The following SPAST variants were observed in gnomAD, a reference collection of about 807,000 sequenced individuals.
The protein encoded by SPAST is spastin.
A neutral mutation model predicts 76.6 loss-of-function variants in SPAST; 30 were observed. The ratio of observed to expected loss-of-function variants is 0.39; its 90% CI spans 0.29 to 0.53. The LOEUF (loss-of-function observed/expected upper bound fraction) is 0.53, where lower values mean the gene tolerates loss of function less well. Among genes scored for constraint, SPAST ranks in the 20% least tolerant of loss-of-function variants. SPAST has a pLI of 0.68. For synonymous variants in SPAST, 305 were observed against 281.0 expected (o/e 1.09, Z -0.86); for missense variants, 717 against 770.5 (o/e 0.93, Z 0.82).
At chr2:32,118,248 C>T (rs898763905) in intron 7 of SPAST, among the ~76,000 whole-genome samples, 4 of 152,170 alleles carry the variant, frequency 2.6e-5, no homozygotes, top group Non-Finnish European at 5.9e-5. Flanking sequence ...GAGTCATTCA[C>T]ATACTGCCTT....
At chr2:32,073,482 C>CT (rs1269384091) in intron 1 of SPAST, among the ~76,000 whole-genome samples, 2 of 152,000 alleles carry the variant, frequency 1.3e-5, no homozygotes, top group Non-Finnish European at 2.9e-5. Context: ...TTTCTTCACT[C>CT]TTTTTTTTAA....
At chr2:32,095,232 CCT>C (rs1677874006) in intron 3 of SPAST, among the ~76,000 whole-genome samples, 2 of 152,234 alleles carry the variant, frequency 1.3e-5, no homozygotes, top group Admixed American at 6.5e-5. Context: ...ATAAAATGGT[CCT>C]CTCTTTATGG....
In SPAST at chr2:32,063,931, C is replaced by A. The variant is rs749021726; in HGVS notation, c.100C>A (p.Pro34Thr). 4.4e-6 allele frequency: 7 copies of A among 1,601,020 alleles called. No individual in the cohort carries two copies. Among genetic ancestry groups the A allele is most frequent in the Non-Finnish European group, 6.0e-6 (7 of 1,174,060 alleles). ...PPPPCLAPAP[P>T]AAGPAPPPES... ...GCCCCCTTGCCTGGCCCCCGCCCCT[C>A]CCGCCGCCGGGCCGGCCCCTCCGCC... Residue 34 changes from proline (P) to threonine (T), a missense_variant, in exon 1 of 17, where the codon CCC becomes ACC. Around this residue, in one of 3 missense-constraint regions of SPAST, gnomAD observed 543 missense variants for 445.2 expected, o/e 1.22. Transcript: ENST00000315285.
chr2:32,102,038 G>A (rs918415591), intron 4 of SPAST, among the ~76,000 whole-genome samples: 3 of 152,130 alleles, frequency 2.0e-5, no homozygotes, highest in Non-Finnish European at 4.4e-5. Flanking sequence ...TGATGGGGAT[G>A]GCATTGAATC....
chr2:32,064,133 C>G lies in SPAST; in HGVS notation c.302C>G (p.Ser101Trp). The G allele has an allele frequency of 6.3e-7, 1 of 1,575,208 alleles. No individual in the cohort carries two copies. The highest frequency in any genetic ancestry group is 8.6e-7 in the Non-Finnish European group (1 of 1,161,340). The change falls in exon 1 of 17, where the codon TCG (serine) becomes TGG (tryptophan). Residue 101 changes from serine to tryptophan, a missense_variant. By Grantham distance (177) the Ser-to-Trp change is radical. Around this residue, in one of 3 missense-constraint regions of SPAST, gnomAD observed 543 missense variants for 445.2 expected, o/e 1.22. Transcript: ENST00000315285. Reference protein sequence around the residue: ...RSSGAAPAPASASAPAPVPGG... With the variant: ...RSSGAAPAPAWASAPAPVPGG... ...TCCGGGGCCGCGCCAGCACCTGCCT[C>G]GGCCTCGGCCCCGGCGCCGGTGCCG... is the stretch of plus-strand genomic sequence containing the variant.
At chr2:32,145,803 A>G (rs1679865857) in intron 15 of SPAST, among the ~76,000 whole-genome samples, 2 of 152,222 alleles carry the variant, frequency 1.3e-5, no homozygotes, top group Non-Finnish European at 2.9e-5. Context: ...CACAGCCAGC[A>G]TCGGTAGTGG....
intron 4 of SPAST, among the ~76,000 whole-genome samples, chr2:32,110,445 A>G (rs2148727663): frequency 6.9e-6 from 1 of 144,492 alleles, no homozygotes; most frequent in South Asian, 2.1e-4. Context: ...ATATATACCT[A>G]TAGTTATTTT....
At chr2:32,077,109 C>T (rs985632605) in intron 1 of SPAST, among the ~76,000 whole-genome samples, 10 of 152,072 alleles carry the variant, frequency 6.6e-5, no homozygotes, top group African/African-American at 2.4e-4. Flanking sequence ...CTCTTGACCT[C>T]ATGATCCACA....
At chr2:32,101,070 C>T (rs1573091824) in intron 4 of SPAST, among the ~76,000 whole-genome samples, 1 of 152,288 alleles carries the variant, frequency 6.6e-6, no homozygotes, top group Non-Finnish European at 1.5e-5. Context: ...AGTTTACGTT[C>T]CCATCAACAG....
At chr2:32,097,158 T>A (rs1677946381) in intron 3 of SPAST, among the ~76,000 whole-genome samples, 1 of 152,174 alleles carries the variant, frequency 6.6e-6, no homozygotes, top group Non-Finnish European at 1.5e-5. Flanking sequence ...ATACTCCACT[T>A]GGGGAAGAGA....
At position 32,075,894 on chromosome 2, in the gene SPAST, CTCTTTTTTTTTT is replaced by C. The variant is rs796753192; in HGVS notation, c.416-11596_416-11585del. Among the ~76,000 whole-genome samples the C allele has an allele frequency of 8.1e-3, 709 of 87,190 alleles. 17 individuals are homozygous for C. The highest frequency in any genetic ancestry group is 0.03 in the African/African-American group (674 of 22,622). 57.2% of individuals were successfully genotyped at this position (87,190 alleles called of 152,430 possible). On this transcript the variant is annotated intron_variant, in intron 1 of 16. Coordinates refer to ENST00000315285, the MANE Select transcript of SPAST (RefSeq NM_014946.4). The stretch of plus-strand genomic sequence containing the variant: ...TTTTTTTAATGAAAAATTCAAAATG[CTCTTTTTTTTTT>C]TTTTTTTTTTTTGAGACAGAGTCTC...
intron 1 of SPAST, chr2:32,077,682 A>G (rs1257868724): frequency 6.6e-6 from 1 of 152,120 alleles, no homozygotes; most frequent in Admixed American, 6.6e-5. Flanking sequence ...ACCCCAAGCT[A>G]CCCATGTTTT....
Position 32,154,669 on chromosome 2 carries a change from CAA to C in SPAST, c.*174_*175del. On this transcript the variant is annotated 3_prime_UTR_variant, in exon 17 of 17. Coordinates refer to ENST00000315285, the MANE Select transcript of SPAST (RefSeq NM_014946.4). ...AGAAAACAGACTTAAACAAAATATA[CAA>C]TGCAAATGTAATTTTTTGTTGTTTA... 1 of 667,782 alleles carries C rather than the reference CAA, an allele frequency of 1.5e-6. No individual in the cohort carries two copies. The highest frequency in any genetic ancestry group is 1.8e-5 in the African/African-American group (1 of 55,072). 41.4% of individuals were successfully genotyped at this position (667,782 alleles called of 1,614,324 possible). A position where few individuals can be genotyped will look rare whatever the true frequency, so the allele number is the denominator to read the frequency against.
chr2:32,107,004 C>T (rs1216495312), intron 4 of SPAST, among the ~76,000 whole-genome samples: 2 of 151,844 alleles, frequency 1.3e-5, no homozygotes, highest in African/African-American at 2.4e-5. Flanking sequence ...AATTCTCCAG[C>T]CCTGAAGAGT....
At position 32,075,026 on chromosome 2, in the gene SPAST, G is replaced by C. The variant is rs116566002; in HGVS notation, c.415+10780G>C. On this transcript the variant is annotated intron_variant, in intron 1 of 16. Transcript: ENST00000315285. ...TAGTACTTTTAAGATTACAGCTAGA[G>C]GTTATGTTAGAACATTGTTAACTCT... 1.0e-3 allele frequency among the ~76,000 whole-genome samples: 156 copies of C among 152,142 alleles called. 1 individual carries two copies. The highest frequency in any genetic ancestry group is 3.4e-3 in the Middle Eastern group (1 of 294).
chr2:32,104,560 A>G (rs1678247388), intron 4 of SPAST, among the ~76,000 whole-genome samples: 1 of 152,116 alleles, frequency 6.6e-6, no homozygotes, highest in Admixed American at 6.5e-5. Flanking sequence ...TGGTCTTTAC[A>G]ATTTGGCATG....
At chr2:32,125,542 G>A (rs1679162478) in intron 7 of SPAST, among the ~76,000 whole-genome samples, 1 of 151,776 alleles carries the variant, frequency 6.6e-6, no homozygotes, top group Non-Finnish European at 1.5e-5. Flanking sequence ...TTTTAAGTTG[G>A]ATATTAGCCA....
intron 7 of SPAST, among the ~76,000 whole-genome samples, chr2:32,121,446 T>G (rs892715891): frequency 1.3e-5 from 2 of 151,358 alleles, no homozygotes; most frequent in African/African-American, 4.9e-5. Context: ...CAGCCCCTCT[T>G]GGACCTTTCT....
intron 11 of SPAST, 57 bp from the exon 12 acceptor site, chr2:32,137,051 AT>A: frequency 6.4e-7 from 1 of 1,555,686 alleles, no homozygotes. Flanking sequence ...AAATACAAAT[AT>A]CTTTATATTT....
Sources: gnomAD v4.1 joint callset for allele counts (sites outside exome capture counted in the v4.1 genomes callset) on GRCh38, gnomAD v4.1.1 for gene constraint, gnomAD v4.1.1 regional missense constraint, MANE v1.5 for transcripts, NCBI Gene and HGNC (gene_info 2026-07-23, HGNC 2026-07-21) for gene names.